GRID2: variants seen among roughly 807,000 people sequenced by gnomAD.
The protein encoded by GRID2 is glutamate ionotropic receptor delta type subunit 2, also known as glutamate receptor ionotropic, delta-2.
Under a neutral mutation model 114.8 loss-of-function variants are expected in GRID2, and 33 were observed. The ratio of observed to expected loss-of-function variants is 0.29; its 90% confidence interval spans 0.22 to 0.38. The LOEUF (loss-of-function observed/expected upper bound fraction) is 0.38. Ranked by LOEUF, GRID2 falls within the 10% of genes least tolerant of loss-of-function variation. GRID2 has a pLI of 1.00. For synonymous variants in GRID2, 505 were observed against 449.9 expected (o/e 1.12, Z -1.55); for missense variants, 1,184 against 1,257.7 (o/e 0.94, Z 0.89).
At chr4:92,435,555 G>T (rs1036747034) in intron 1 of GRID2, among the ~76,000 whole-genome samples, 12 of 152,192 alleles carry the variant, frequency 7.9e-5, no homozygotes, top group Non-Finnish European at 1.6e-4. Context: ...AAACCAGAGT[G>T]AGACTATGTG....
intron 11 of GRID2, among the ~76,000 whole-genome samples, chr4:93,470,964 A>G (rs1380297199): frequency 6.6e-6 from 1 of 152,050 alleles, no homozygotes; most frequent in Non-Finnish European, 1.5e-5. Context: ...AAGTAACACA[A>G]TGTTTGTTAG....
intron 8 of GRID2, among the ~76,000 whole-genome samples, chr4:93,387,985 C>A (rs528907422): frequency 3.4e-4 from 52 of 151,958 alleles, no homozygotes; most frequent in African/African-American, 1.1e-3. Flanking sequence ...GAAGAGGAAA[C>A]AAAACAGTAA....
intron 14 of GRID2, among the ~76,000 whole-genome samples, chr4:93,705,695 C>T (rs1727937881): frequency 1.3e-5 from 2 of 151,998 alleles, no homozygotes; most frequent in South Asian, 2.1e-4. Flanking sequence ...TGATGCAATC[C>T]CTTTTGTTCA....
chr4:93,507,443 C>A (rs1728745319), intron 12 of GRID2, among the ~76,000 whole-genome samples: 1 of 152,214 alleles, frequency 6.6e-6, no homozygotes, highest in South Asian at 2.1e-4. Context: ...TCTAAATATT[C>A]AACCAAGAAA....
At chr4:92,305,755 A>C (rs547957155) in intron 1 of GRID2, among the ~76,000 whole-genome samples, 2 of 151,990 alleles carry the variant, frequency 1.3e-5, no homozygotes, top group Middle Eastern at 3.2e-3. Context: ...TCAGGCTCCA[A>C]CTCTACTCAC....
intron 2 of GRID2, among the ~76,000 whole-genome samples, chr4:92,921,591 T>C (rs1162779381): frequency 6.6e-6 from 1 of 152,216 alleles, no homozygotes; most frequent in African/African-American, 2.4e-5. Flanking sequence ...TGCAGGTCTG[T>C]TGGAGTTTGC....
Position 92,576,572 on chromosome 4 carries a change from C to T in GRID2, c.89-13559C>T, listed in dbSNP as rs532334140. Among the ~76,000 whole-genome samples, 20 of 152,304 alleles carry T rather than the reference C, an allele frequency of 1.3e-4. No homozygotes were observed. In the South Asian group the frequency reaches 4.1e-3, roughly 32 times the overall value. On this transcript the variant is annotated intron_variant, in intron 1 of 15. Coordinates refer to ENST00000282020, the MANE Select transcript of GRID2 (RefSeq NM_001510.4). Reference sequence around the variant, plus strand: ...CTTGCTTGAGCTGCAGACAACCTTGCCAGGGTTCCTGGGGCTGGAGTATGT... The same window carrying T: ...CTTGCTTGAGCTGCAGACAACCTTGTCAGGGTTCCTGGGGCTGGAGTATGT...
chr4:93,624,748 T>G (rs1353776075), intron 13 of GRID2, among the ~76,000 whole-genome samples: 2 of 152,216 alleles, frequency 1.3e-5, no homozygotes. Flanking sequence ...TTTTATGAAT[T>G]TCTTAAGTCC....
At chr4:92,850,929 T>C (rs1438363648) in intron 2 of GRID2, among the ~76,000 whole-genome samples, 2 of 151,934 alleles carry the variant, frequency 1.3e-5, no homozygotes, top group Admixed American at 6.6e-5. Context: ...TAGGCACCAA[T>C]AGGAAGGCAT....
At chr4:93,364,376 T>C (rs1295724750) in intron 8 of GRID2, among the ~76,000 whole-genome samples, 1 of 152,160 alleles carries the variant, frequency 6.6e-6, no homozygotes, top group East Asian at 1.9e-4. Context: ...ATATAAACTA[T>C]CATACTTGGG....
chr4:92,462,069 A>G (rs1311247630), intron 1 of GRID2, among the ~76,000 whole-genome samples: 2 of 152,082 alleles, frequency 1.3e-5, no homozygotes, highest in Non-Finnish European at 2.9e-5. Flanking sequence ...TATTGTTTTG[A>G]AATGTACTTC....
intron 11 of GRID2, among the ~76,000 whole-genome samples, chr4:93,480,456 T>G (rs762000251): frequency 1.9e-4 from 29 of 152,072 alleles, no homozygotes; most frequent in Non-Finnish European, 3.8e-4. Context: ...AAGAAGCACC[T>G]TAATGGTTTA....
chr4:93,158,113 G>A (rs1158565983), intron 4 of GRID2, among the ~76,000 whole-genome samples: 3 of 151,704 alleles, frequency 2.0e-5, no homozygotes, highest in East Asian at 1.9e-4. Flanking sequence ...GACAGCAAAA[G>A]TTGTCAGTTT....
chr4:93,211,837 T>C (rs1365440602), intron 5 of GRID2, among the ~76,000 whole-genome samples: 1 of 152,096 alleles, frequency 6.6e-6, no homozygotes, highest in Non-Finnish European at 1.5e-5. Flanking sequence ...TTTTAACCCA[T>C]AAAAAAATAA....
chr4:93,244,281 T>C (rs1036335150), intron 8 of GRID2, among the ~76,000 whole-genome samples: 1 of 151,810 alleles, frequency 6.6e-6, no homozygotes, highest in Non-Finnish European at 1.5e-5. Flanking sequence ...TGCATAGTAA[T>C]GCTTAATATC....
At position 93,570,203 on chromosome 4, in the gene GRID2, C is replaced by A. The variant is rs187589662; in HGVS notation, c.2193+54792C>A. On this transcript the variant is annotated intron_variant, in intron 13 of 15. Coordinates refer to ENST00000282020, the MANE Select transcript of GRID2 (RefSeq NM_001510.4). Reference sequence around the variant, plus strand: ...CAGTCACACAAGGTCACTCAGTAGCCAGTGGTGGAGCTGGGACTCAGCTGA... The same window carrying A: ...CAGTCACACAAGGTCACTCAGTAGCAAGTGGTGGAGCTGGGACTCAGCTGA... Among the ~76,000 whole-genome samples, 21 of 152,168 alleles carry A rather than the reference C, an allele frequency of 1.4e-4. No homozygotes were observed. The East Asian group carries it at 4.1e-3, about 29-fold the overall frequency.
intron 13 of GRID2, among the ~76,000 whole-genome samples, chr4:93,595,585 ATGTT>A (rs1415447192): frequency 6.6e-6 from 1 of 152,190 alleles, no homozygotes; most frequent in Non-Finnish European, 1.5e-5. Flanking sequence ...CTCAGTAAAA[ATGTT>A]TGTGTTATAA....
At chr4:92,667,159 C>T (rs1428840982) in intron 2 of GRID2, among the ~76,000 whole-genome samples, 2 of 151,634 alleles carry the variant, frequency 1.3e-5, no homozygotes, top group Non-Finnish European at 3.0e-5. Context: ...CTAGAAGATA[C>T]AAGCCTTTAT....
At chr4:93,042,318 T>C (rs1019133548) in intron 2 of GRID2, among the ~76,000 whole-genome samples, 81 of 141,858 alleles carry the variant, frequency 5.7e-4, no homozygotes, top group African/African-American at 1.6e-3. Flanking sequence ...TATATATATA[T>C]ACACCTATTT....
Sources: allele counts gnomAD v4.1 joint callset (sites outside exome capture counted in the v4.1 genomes callset), GRCh38; gene constraint gnomAD v4.1.1; transcripts MANE v1.5; gene names NCBI Gene and HGNC (gene_info 2026-07-23, HGNC 2026-07-21).